CDH13: variants seen among roughly 807,000 people sequenced by gnomAD.
The protein encoded by CDH13 is cadherin-13.
CDH13 carries 24 observed loss-of-function variants against 63.8 expected under a neutral mutation model. The ratio of observed to expected loss-of-function variants is 0.38; its 90% CI spans 0.27 to 0.53. The LOEUF is 0.53. CDH13 is among the 20% of genes least tolerant of loss of function. CDH13 has a pLI of 0.85. For missense variants in CDH13, 1,049 were observed against 903.1 expected, an observed-to-expected ratio of 1.16 and a Z score of -2.07; for synonymous variants, 503 against 355.3, an observed-to-expected ratio of 1.42 and a Z score of -4.67.
chr16:83,438,501 G>T (rs942709287), intron 6 of CDH13, among the ~76,000 whole-genome samples: 3 of 152,200 alleles, frequency 2.0e-5, no homozygotes, highest in African/African-American at 7.2e-5. Flanking sequence ...CTAAGTCGAG[G>T]TATGTTTATT....
chr16:82,888,147 T>G (rs935542783), intron 2 of CDH13, among the ~76,000 whole-genome samples: 1 of 152,220 alleles, frequency 6.6e-6, no homozygotes, highest in African/African-American at 2.4e-5. Context: ...GAACAACCTT[T>G]TGGGAAGAAA....
At chr16:83,373,382 C>T (rs187689196) in intron 6 of CDH13, among the ~76,000 whole-genome samples, 1 of 152,232 alleles carries the variant, frequency 6.6e-6, no homozygotes, top group Non-Finnish European at 1.5e-5. Context: ...ATCTAGAAGG[C>T]TCCCAGGCAG....
At chr16:83,539,153 C>T (rs1041335454) in intron 7 of CDH13, among the ~76,000 whole-genome samples, 7 of 151,920 alleles carry the variant, frequency 4.6e-5, no homozygotes, top group South Asian at 2.1e-4. Flanking sequence ...CACCAGGGAC[C>T]GGTTTTGTGG....
chr16:83,432,190 A>C (rs1208707736), intron 6 of CDH13, among the ~76,000 whole-genome samples: 1 of 152,102 alleles, frequency 6.6e-6, no homozygotes, highest in East Asian at 1.9e-4. Context: ...GTGACGTGGG[A>C]ATCTTTTATC....
chr16:83,150,831 A>G (rs545366938), intron 4 of CDH13, among the ~76,000 whole-genome samples: 3 of 152,342 alleles, frequency 2.0e-5, no homozygotes, highest in African/African-American at 7.2e-5. Flanking sequence ...TGTGTGGTGA[A>G]CAACCTGCAT....
At chr16:82,904,851 T>G (rs1597181596) in intron 2 of CDH13, among the ~76,000 whole-genome samples, 1 of 152,296 alleles carries the variant, frequency 6.6e-6, no homozygotes, top group Middle Eastern at 3.4e-3. Context: ...GTGCGACATT[T>G]GAACTAAATG....
At chr16:82,994,582 T>C (rs1257804502) in intron 2 of CDH13, among the ~76,000 whole-genome samples, 4 of 152,234 alleles carry the variant, frequency 2.6e-5, no homozygotes, top group Non-Finnish European at 4.4e-5. Context: ...AGAGCTGATA[T>C]ACTGAACAAA....
chr16:83,399,148 C>T (rs947147200), intron 6 of CDH13, among the ~76,000 whole-genome samples: 1 of 152,150 alleles, frequency 6.6e-6, no homozygotes, highest in Non-Finnish European at 1.5e-5. Context: ...GTAGAAAGAA[C>T]AGTTAATTCT....
intron 7 of CDH13, among the ~76,000 whole-genome samples, chr16:83,523,126 G>T (rs1443046415): frequency 6.6e-6 from 1 of 152,142 alleles, no homozygotes; most frequent in Non-Finnish European, 1.5e-5. Flanking sequence ...TCTTCCTCAT[G>T]CACCTGTCCA....
intron 5 of CDH13, among the ~76,000 whole-genome samples, chr16:83,234,252 G>C (rs2040083969): frequency 6.6e-6 from 1 of 152,116 alleles, no homozygotes; most frequent in African/African-American, 2.4e-5. Context: ...TGTTACCTAG[G>C]TGCTTTGCGG....
intron 4 of CDH13, among the ~76,000 whole-genome samples, chr16:83,145,541 C>G (rs945922441): frequency 2.9e-4 from 44 of 152,190 alleles, no homozygotes; most frequent in African/African-American, 1.1e-3. Flanking sequence ...AGGACCGTGT[C>G]AACACAGTTC....
At chr16:83,185,930 A>G (rs2038503642) in intron 4 of CDH13, among the ~76,000 whole-genome samples, 1 of 152,182 alleles carries the variant, frequency 6.6e-6, no homozygotes, top group African/African-American at 2.4e-5. Flanking sequence ...AGTATGTCCG[A>G]AAACCAATTA....
intron 6 of CDH13, among the ~76,000 whole-genome samples, chr16:83,347,346 G>C (rs946643655): frequency 6.7e-5 from 10 of 149,638 alleles, no homozygotes; most frequent in African/African-American, 2.4e-4. Context: ...TAAGGGTGGG[G>C]GTAGGGGTGG....
chr16:83,340,344 G>A (rs2090694739), intron 5 of CDH13, among the ~76,000 whole-genome samples: 2 of 152,084 alleles, frequency 1.3e-5, no homozygotes, highest in Non-Finnish European at 2.9e-5. Flanking sequence ...GCATGTGCGT[G>A]CTGCTCCAGA....
chr16:82,839,775 C>G (rs149460403), intron 1 of CDH13, among the ~76,000 whole-genome samples: 2 of 152,338 alleles, frequency 1.3e-5, no homozygotes, highest in East Asian at 1.9e-4. Flanking sequence ...ACTGTAGAGG[C>G]TCTTCACATT....
chr16:83,494,093 G>A (rs2074080089), intron 7 of CDH13, among the ~76,000 whole-genome samples: 1 of 152,154 alleles, frequency 6.6e-6, no homozygotes, highest in Non-Finnish European at 1.5e-5. Flanking sequence ...CATGAAGAAA[G>A]ATTCATCTTT....
chr16:83,778,852 C>A (rs1915306494), intron 11 of CDH13, among the ~76,000 whole-genome samples: 3 of 152,140 alleles, frequency 2.0e-5, no homozygotes. Flanking sequence ...TTTAATCTTT[C>A]CCTCTTTAGT....
chr16:83,038,182 G>C (rs958911505), intron 3 of CDH13, among the ~76,000 whole-genome samples: 1 of 152,190 alleles, frequency 6.6e-6, no homozygotes, highest in African/African-American at 2.4e-5. Flanking sequence ...TCACAGTTAA[G>C]CCTATTTTAG....
chr16:83,230,573 G>T (rs1418252276), intron 5 of CDH13, among the ~76,000 whole-genome samples: 1 of 152,182 alleles, frequency 6.6e-6, no homozygotes, highest in Non-Finnish European at 1.5e-5. Context: ...ATCACCTGAG[G>T]TCAGGAGTTT....
Sources: allele counts gnomAD v4.1 joint callset (sites outside exome capture counted in the v4.1 genomes callset), GRCh38; gene constraint gnomAD v4.1.1; transcripts MANE v1.5; gene names NCBI Gene and HGNC (gene_info 2026-07-23, HGNC 2026-07-21).